Variants in ADGRB3 observed in about 807,000 individuals in gnomAD.
The protein encoded by ADGRB3 is brain-specific angiogenesis inhibitor 3.
Under a neutral mutation model 193.4 loss-of-function variants are expected in ADGRB3, and 37 were observed. The ratio of observed to expected loss-of-function variants is 0.19; its 90% confidence interval spans 0.15 to 0.25. The LOEUF (loss-of-function observed/expected upper bound fraction) is 0.25. Among genes scored for constraint, ADGRB3 ranks in the 10% least tolerant of loss-of-function variants. ADGRB3 has a pLI of 1.00. For missense variants in ADGRB3, 1,637 were observed against 1,852.9 expected (o/e 0.88, Z 2.14); for synonymous variants, 690 against 644.2 (o/e 1.07, Z -1.08).
intron 12 of ADGRB3, 134 bp downstream of exon 12, chr6:69,014,240 TGAG>T: frequency 1.7e-6 from 1 of 574,918 alleles, no homozygotes; most frequent in Non-Finnish European, 3.0e-6. Context: ...TAGTAATTTT[TGAG>T]GAAACAAATG....
chr6:68,772,884 A>AACAAC (rs1415511270), intron 3 of ADGRB3, among the ~76,000 whole-genome samples: 1 of 35,282 alleles, frequency 2.8e-5, no homozygotes, highest in Admixed American at 3.6e-4. Context: ...CAAACAAACA[A>AACAAC]AAAAAAAAAA....
intron 20 of ADGRB3, among the ~76,000 whole-genome samples, chr6:69,287,284 A>G (rs1317414698): frequency 1.3e-5 from 2 of 152,150 alleles, no homozygotes; most frequent in African/African-American, 2.4e-5. Context: ...AATAACTACT[A>G]AGTGAAAAGT....
intron 30 of ADGRB3, among the ~76,000 whole-genome samples, chr6:69,380,204 G>A (rs9446112): frequency 6.6e-6 from 1 of 151,936 alleles, no homozygotes; most frequent in Non-Finnish European, 1.5e-5. Flanking sequence ...TCTGGTGTAA[G>A]TATTTGGCTG....
intron 3 of ADGRB3, among the ~76,000 whole-genome samples, chr6:68,851,860 A>G (rs895608270): frequency 2.0e-5 from 3 of 151,848 alleles, no homozygotes; most frequent in Non-Finnish European, 4.4e-5. Flanking sequence ...GAGGATAAAT[A>G]AAAGTTACAC....
chr6:69,206,425 C>T (rs1376639286), intron 17 of ADGRB3, among the ~76,000 whole-genome samples: 1 of 152,052 alleles, frequency 6.6e-6, no homozygotes, highest in Non-Finnish European at 1.5e-5. Flanking sequence ...TTGTATTCTT[C>T]AATTCAGTCA....
chr6:69,356,989 G>A (rs578127449), intron 28 of ADGRB3, among the ~76,000 whole-genome samples: 17 of 152,106 alleles, frequency 1.1e-4, no homozygotes, highest in East Asian at 7.7e-4. Flanking sequence ...CAAAACAACA[G>A]TGAATATCTA....
intron 20 of ADGRB3, among the ~76,000 whole-genome samples, chr6:69,257,465 T>G (rs1766805527): frequency 6.6e-6 from 1 of 152,228 alleles, no homozygotes; most frequent in Admixed American, 6.5e-5. Flanking sequence ...TATCCATTTC[T>G]TCTAGAGTTT....
rs529094634 is a variant in ADGRB3, at chr6:68,946,855, A to T, written c.1195+2861A>T. On this transcript the variant is annotated intron_variant, in intron 6 of 31. Coordinates refer to ENST00000370598, the MANE Select transcript of ADGRB3 (RefSeq NM_001704.3). ...GAAATAGACACTATGTAGGAATGACATGCATTGTTTGTATCAAACAATGAA... is the reference window on the plus strand; with the variant it reads ...GAAATAGACACTATGTAGGAATGACTTGCATTGTTTGTATCAAACAATGAA... Among the ~76,000 whole-genome samples the T allele has an allele frequency of 1.8e-4, 27 of 152,262 alleles. 1 individual carries two copies. Among genetic ancestry groups the T allele is most frequent in the Admixed American group, 1.4e-3 (21 of 15,266 alleles).
chr6:68,749,408 ATGTGTGTGTGTGTG>A (rs60078030), intron 3 of ADGRB3, among the ~76,000 whole-genome samples: 18 of 136,564 alleles, frequency 1.3e-4, no homozygotes, highest in South Asian at 2.4e-4. Flanking sequence ...ATATATATAT[ATGTGTGTGTGTGTG>A]TGTGTGTGTG....
At chr6:68,876,965 T>C (rs1290644175) in intron 3 of ADGRB3, among the ~76,000 whole-genome samples, 2 of 152,260 alleles carry the variant, frequency 1.3e-5, no homozygotes, top group East Asian at 3.9e-4. Context: ...GGCTATATGT[T>C]AATTTTAAAT....
In ADGRB3 at chr6:68,712,670, T is replaced by A. The variant is rs542502127; in HGVS notation, c.757+73238T>A. Among the ~76,000 whole-genome samples, 449 of 151,954 alleles carry A rather than the reference T, an allele frequency of 3.0e-3. 3 individuals carry two copies. The highest frequency in any genetic ancestry group is 0.01 in the African/African-American group (433 of 41,514). On this transcript the variant is annotated intron_variant, in intron 3 of 31. Transcript: ENST00000370598. ...AGAGGGAAAAATATGAGAGAGGGGT[T>A]TGGTAAATTATGATCATGGATGTTG...
intron 3 of ADGRB3, among the ~76,000 whole-genome samples, chr6:68,714,268 A>C (rs2127318509): frequency 6.6e-6 from 1 of 151,982 alleles, no homozygotes; most frequent in African/African-American, 2.4e-5. Flanking sequence ...AGCTTTCATC[A>C]GGGTAGTCTG....
chr6:69,006,779 A>G (rs1253408161), intron 11 of ADGRB3, among the ~76,000 whole-genome samples: 1 of 152,038 alleles, frequency 6.6e-6, no homozygotes, highest in African/African-American at 2.4e-5. Context: ...AAGTGCTGGG[A>G]TGTAAAATTT....
intron 17 of ADGRB3, among the ~76,000 whole-genome samples, chr6:69,084,188 G>T (rs1196046059): frequency 5.9e-5 from 9 of 152,036 alleles, no homozygotes. Context: ...TGGCCCCACG[G>T]TGATTGTTAT....
chr6:68,865,445 G>T (rs1490904957), intron 3 of ADGRB3, among the ~76,000 whole-genome samples: 2 of 152,124 alleles, frequency 1.3e-5, no homozygotes, highest in Non-Finnish European at 2.9e-5. Context: ...AGGTGAAGAA[G>T]AAATCCTGAT....
At chr6:69,206,062 T>TAC (rs1561952251) in intron 17 of ADGRB3, among the ~76,000 whole-genome samples, 5 of 141,502 alleles carry the variant, frequency 3.5e-5, no homozygotes, top group African/African-American at 5.1e-5. Context: ...TATATATATA[T>TAC]ATATATATAT....
intron 20 of ADGRB3, among the ~76,000 whole-genome samples, chr6:69,320,528 G>A (rs1768426181): frequency 6.6e-6 from 1 of 151,282 alleles, no homozygotes; most frequent in South Asian, 2.1e-4. Flanking sequence ...GGATCTTGAG[G>A]TAATTAACTT....
Position 69,248,021 on chromosome 6 carries a change from A to G in ADGRB3, c.2814+8795A>G, listed in dbSNP as rs1244048842. On this transcript the variant is annotated intron_variant, in intron 20 of 31. Coordinates refer to ENST00000370598, the MANE Select transcript of ADGRB3 (RefSeq NM_001704.3). Reference sequence around the variant, plus strand: ...AGATGGTTGAGTTAAATCAGATCTTATCTTTATGCAGAGATATCCAAAAGA... The same window carrying G: ...AGATGGTTGAGTTAAATCAGATCTTGTCTTTATGCAGAGATATCCAAAAGA... Among the ~76,000 whole-genome samples the G allele has an allele frequency of 3.3e-5, 5 of 152,200 alleles. No individual in the cohort carries two copies. The East Asian group carries it at 7.7e-4, about 23-fold the overall frequency.
intron 20 of ADGRB3, among the ~76,000 whole-genome samples, chr6:69,262,438 T>G (rs1230350106): frequency 6.6e-6 from 1 of 151,966 alleles, no homozygotes; most frequent in Non-Finnish European, 1.5e-5. Flanking sequence ...AATTCCTTCC[T>G]TACTAACATA....
Sources: gnomAD v4.1 joint callset for allele counts (sites outside exome capture counted in the v4.1 genomes callset) on GRCh38, gnomAD v4.1.1 for gene constraint, MANE v1.5 for transcripts, NCBI Gene and HGNC (gene_info 2026-07-23, HGNC 2026-07-21) for gene names.